The following ERICH1 variants were observed in gnomAD, a reference collection of about 807,000 sequenced individuals.
ERICH1 encodes glutamate-rich protein 1.
A neutral mutation model predicts 39.6 loss-of-function variants in ERICH1; 56 were observed. The observed-to-expected ratio is 1.41, with a 90% CI of 1.14 to 1.77. The LOEUF is 1.77. ERICH1 is among the 40% of genes most tolerant of loss of function. ERICH1 has a pLI of 0.00. For synonymous variants in ERICH1, 313 were observed against 223.6 expected, an observed-to-expected ratio of 1.40 and a Z score of -3.57; for missense variants, 826 against 575.4, an observed-to-expected ratio of 1.44 and a Z score of -4.45.
intron 3 of ERICH1, among the ~76,000 whole-genome samples, chr8:652,471 A>G (rs1006046512): frequency 3.3e-5 from 5 of 152,246 alleles, no homozygotes; most frequent in Non-Finnish European, 1.5e-5. Flanking sequence ...TTGATATCAC[A>G]TAAAGTGACC....
At chr8:631,850 C>G (rs903547945) in intron 3 of ERICH1, among the ~76,000 whole-genome samples, 7 of 152,010 alleles carry the variant, frequency 4.6e-5, no homozygotes, top group Non-Finnish European at 8.8e-5. Flanking sequence ...GTGCCGCCCC[C>G]CGACCCCCGC....
At chr8:664,836 T>C (rs761526143) in intron 5 of ERICH1, among the ~76,000 whole-genome samples, 160 bp from the exon 6 acceptor site, 2 of 152,240 alleles carry the variant, frequency 1.3e-5, no homozygotes, top group Non-Finnish European at 2.9e-5. Context: ...AGTGACACAT[T>C]ATACTTGTTA....
intron 5 of ERICH1, among the ~76,000 whole-genome samples, chr8:664,925 G>A (rs1421143865): frequency 6.6e-6 from 1 of 152,144 alleles, no homozygotes; most frequent in Non-Finnish European, 1.5e-5. Context: ...GTGAACCCTT[G>A]GTTCACTGGC....
At chr8:690,703 G>T (rs190686368) in intron 3 of ERICH1, among the ~76,000 whole-genome samples, 1 of 152,378 alleles carries the variant, frequency 6.6e-6, no homozygotes, top group African/African-American at 2.4e-5. Flanking sequence ...GCTGCGCAAG[G>T]TCCTGAGTGT....
At chr8:618,520 G>A (rs1202706778) in intron 3 of ERICH1, among the ~76,000 whole-genome samples, 1 of 152,226 alleles carries the variant, frequency 6.6e-6, no homozygotes, top group Non-Finnish European at 1.5e-5. Flanking sequence ...TAAGCTCAGT[G>A]GGTACATGCT....
chr8:641,757 C>T (rs1406479774), intron 3 of ERICH1, among the ~76,000 whole-genome samples: 3 of 152,168 alleles, frequency 2.0e-5, no homozygotes, highest in Non-Finnish European at 2.9e-5. Flanking sequence ...TCTGCGTTTT[C>T]CAGGCTCATC....
chr8:628,077 G>A (rs1797703029), intron 3 of ERICH1, among the ~76,000 whole-genome samples: 1 of 152,202 alleles, frequency 6.6e-6, no homozygotes, highest in African/African-American at 2.4e-5. Context: ...CCCTCTCTCT[G>A]ACCCTGCCCG....
At chr8:619,963 GC>G (rs1168213338) in intron 3 of ERICH1, among the ~76,000 whole-genome samples, 1 of 152,078 alleles carries the variant, frequency 6.6e-6, no homozygotes, top group Admixed American at 6.6e-5. Flanking sequence ...TTATAAAATA[GC>G]CACTTAATAT....
rs1446558482 is a variant in ERICH1 at position 668,708 on chromosome 8, G to A, written c.1148C>T (p.Pro383Leu). The change falls in exon 5 of 6, where the codon CCC becomes CTC. Residue 383 changes from proline to leucine, a missense_variant. By Grantham distance (98) the Pro-to-Leu change is moderately conservative. Coordinates refer to ENST00000262109, the MANE Select transcript of ERICH1 (RefSeq NM_207332.3). ...GTGGTACAGGATGGACACGTCTGAGGGCAGCATGCTGTGTGACGCAAGGCG... is the reference window on the plus strand; with the variant it reads ...GTGGTACAGGATGGACACGTCTGAGAGCAGCATGCTGTGTGACGCAAGGCG... The part of the protein sequence containing the change: ...LDRLASHSML[P>L]SDVSILYHMK... The A allele has an allele frequency of 1.2e-6, 2 of 1,613,930 alleles. No individual in the cohort carries two copies. Among genetic ancestry groups the A allele is most frequent in the South Asian group, 2.2e-5 (2 of 91,062 alleles).
rs1298749227 is a variant in ERICH1 at position 731,155 on chromosome 8, C to T, written c.7G>A (p.Ala3Thr). 2.6e-6 allele frequency: 4 copies of T among 1,516,084 alleles called. No homozygotes were observed. The Middle Eastern group carries it at 6.9e-4, about 261-fold the overall frequency. 93.9% of individuals were successfully genotyped at this position (1,516,084 alleles called of 1,614,324 possible). Reference protein sequence around the residue: MAAHRKHVFVEKV... With the variant: MATHRKHVFVEKV... The stretch of plus-strand genomic sequence containing the variant: ...ACCCACCTACCGTGCTTCCTGTGCG[C>T]CGCCATGCGGGACCCTGCCGCGGAC... The change falls in exon 1 of 6, where the codon GCG (alanine) becomes ACG (threonine). Residue 3 changes from alanine to threonine, a missense_variant. Ala to Thr is a moderately conservative substitution (Grantham distance 58). Transcript: ENST00000262109.
At chr8:712,791 A>G (rs1563330841) in intron 2 of ERICH1, among the ~76,000 whole-genome samples, 2 of 151,538 alleles carry the variant, frequency 1.3e-5, no homozygotes, top group East Asian at 3.9e-4. Flanking sequence ...GTATCGTACA[A>G]CCCCACTATA....
At chr8:638,177 T>G (rs1798594749) in intron 3 of ERICH1, among the ~76,000 whole-genome samples, 2 of 152,248 alleles carry the variant, frequency 1.3e-5, no homozygotes, top group African/African-American at 2.4e-5. Flanking sequence ...CTACCACGTG[T>G]GGGGCGCCTG....
intron 5 of ERICH1, chr8:665,935 C>T (rs1021844578): frequency 6.6e-6 from 1 of 152,212 alleles, no homozygotes; most frequent in Non-Finnish European, 1.5e-5. Flanking sequence ...CCCTTAATTT[C>T]AAAAACTCGT....
intron 3 of ERICH1, among the ~76,000 whole-genome samples, chr8:651,260 C>T (rs1450442885): frequency 6.6e-6 from 1 of 152,226 alleles, no homozygotes; most frequent in African/African-American, 2.4e-5. Flanking sequence ...GCTTAGGCGT[C>T]CTCATCTCCC....
At chr8:686,337 G>A (rs1257952016) in intron 3 of ERICH1, among the ~76,000 whole-genome samples, 1 of 152,048 alleles carries the variant, frequency 6.6e-6, no homozygotes, top group African/African-American at 2.4e-5. Context: ...AATCCAAATT[G>A]CTTAGGAATA....
intron 3 of ERICH1, among the ~76,000 whole-genome samples, chr8:636,101 C>G (rs1042308949): frequency 6.6e-6 from 1 of 152,228 alleles, no homozygotes; most frequent in East Asian, 1.9e-4. Flanking sequence ...ATAGCATTCT[C>G]TGTGGAAAAC....
At chr8:670,242 C>T (rs960983554) in intron 4 of ERICH1, among the ~76,000 whole-genome samples, 1 of 152,186 alleles carries the variant, frequency 6.6e-6, no homozygotes, top group African/African-American at 2.4e-5. Context: ...ATTCAAATTA[C>T]CTGGCGAAAT....
intron 3 of ERICH1, among the ~76,000 whole-genome samples, chr8:685,032 G>T (rs1806981573): frequency 6.6e-6 from 1 of 152,240 alleles, no homozygotes; most frequent in South Asian, 2.1e-4. Flanking sequence ...GGTCTGACTA[G>T]AATTCACCAG....
chr8:730,139 G>A (rs1819648514), intron 1 of ERICH1, among the ~76,000 whole-genome samples: 1 of 152,166 alleles, frequency 6.6e-6, no homozygotes, highest in South Asian at 2.1e-4. Context: ...GTCCATTTTA[G>A]AGCCTAGCAT....
Sources: gnomAD v4.1 joint callset for allele counts (sites outside exome capture counted in the v4.1 genomes callset) on GRCh38, gnomAD v4.1.1 for gene constraint, MANE v1.5 for transcripts, NCBI Gene and HGNC (gene_info 2026-07-23, HGNC 2026-07-21) for gene names.